Variants in NALCN observed in about 807,000 individuals in gnomAD.
The protein encoded by NALCN is sodium leak channel NALCN.
In NALCN, 111 loss-of-function variants were observed where a neutral mutation model predicts 225.3. The ratio of observed to expected loss-of-function variants is 0.49; its 90% confidence interval spans 0.42 to 0.58. The LOEUF is 0.58. Among genes scored for constraint, NALCN ranks in the 20% least tolerant of loss-of-function variants. The pLI, the probability that NALCN is intolerant of heterozygous loss-of-function variation, is 0.00. For missense variants in NALCN, 1,378 were observed against 2,202.4 expected (o/e 0.63, Z 7.49); for synonymous variants, 764 against 769.0 (o/e 0.99, Z 0.11).
chr13:101,058,442 AGCC>A lies in NALCN; in HGVS notation c.4906-389_4906-387del. ...TGGGCGGGGGCAGTCTACTGTCACC[AGCC>A]TGGAGATCCACACTTAGAGCTTCAG... On this transcript the variant is annotated intron_variant, in intron 42 of 43. Transcript: ENST00000251127. 4 of 180,970 alleles carry A rather than the reference AGCC, an allele frequency of 2.2e-5. No individual in the cohort carries two copies. The South Asian group carries it at 3.6e-4, about 16-fold the overall frequency. The allele number at this position is 180,970 out of a possible 1,614,324, so 11.2% of individuals were successfully genotyped here.
rs1034597446 is a variant in NALCN, at chr13:101,352,659, G to T, written c.645-7239C>A. Reference sequence around the variant, plus strand: ...ACCCTAAATGGATACTGTGACTGATGCAGCATGAGCTGATTATAAACTGTT... The same window carrying T: ...ACCCTAAATGGATACTGTGACTGATTCAGCATGAGCTGATTATAAACTGTT... On this transcript the variant is annotated intron_variant, in intron 6 of 43. Transcript: ENST00000251127. Among the ~76,000 whole-genome samples, 5 of 152,150 alleles carry T rather than the reference G, an allele frequency of 3.3e-5. No homozygotes were observed. In the East Asian group the frequency reaches 9.6e-4, roughly 29 times the overall value.
intron 13 of NALCN, among the ~76,000 whole-genome samples, chr13:101,219,377 G>A (rs1004970082): frequency 2.0e-5 from 3 of 152,110 alleles, no homozygotes; most frequent in Non-Finnish European, 2.9e-5. Flanking sequence ...AAAGGAATCC[G>A]GCATGCTGAG....
At chr13:101,058,178 G>T in intron 42 of NALCN, 122 bp from the exon 43 acceptor site, 1 of 776,130 alleles carries the variant, frequency 1.3e-6, no homozygotes, top group Non-Finnish European at 2.1e-6. Context: ...GACTCAGAGT[G>T]TCCACAATGG....
At chr13:101,169,016 C>A (rs568924592) in intron 15 of NALCN, among the ~76,000 whole-genome samples, 1 of 152,330 alleles carries the variant, frequency 6.6e-6, no homozygotes, top group East Asian at 1.9e-4. Flanking sequence ...GAGAAAACGT[C>A]CCTGATTTCA....
At chr13:101,121,667 G>A (rs746781888) in intron 18 of NALCN, among the ~76,000 whole-genome samples, 3 of 152,168 alleles carry the variant, frequency 2.0e-5, no homozygotes, top group Admixed American at 1.3e-4. Context: ...TTTATATCAA[G>A]ATAGACCCAT....
At chr13:101,176,417 A>C (rs2038960596) in intron 14 of NALCN, 43 bp from the exon 15 acceptor site, 1 of 1,440,148 alleles carries the variant, frequency 6.9e-7, no homozygotes, top group African/African-American at 1.4e-5. Flanking sequence ...CACATGCCAT[A>C]AGTATCAAAA....
At chr13:101,248,251 A>G (rs1256836750) in intron 11 of NALCN, among the ~76,000 whole-genome samples, 1 of 152,216 alleles carries the variant, frequency 6.6e-6, no homozygotes, top group African/African-American at 2.4e-5. Context: ...TAAAGGTGAG[A>G]GGAGAAATTT....
At chr13:101,150,721 T>G (rs758323205) in intron 15 of NALCN, among the ~76,000 whole-genome samples, 2 of 152,116 alleles carry the variant, frequency 1.3e-5, no homozygotes, top group Non-Finnish European at 2.9e-5. Context: ...TTTACTTTGA[T>G]GCAAATGAAT....
chr13:101,234,588 C>T (rs914660348), intron 12 of NALCN, among the ~76,000 whole-genome samples: 3 of 152,136 alleles, frequency 2.0e-5, no homozygotes, highest in African/African-American at 7.2e-5. Context: ...TTGCAAAAAC[C>T]CTTGTGACAC....
Position 101,254,614 on chromosome 13 carries a change from G to A in NALCN, c.1266+3829C>T, listed in dbSNP as rs1233680880. The stretch of plus-strand genomic sequence containing the variant: ...TGTTAAGAATGAATGACATGTGGCC[G>A]GGCGCGGTGGCTCACGCCTGTAATC... On this transcript the variant is annotated intron_variant, in intron 11 of 43. Coordinates refer to ENST00000251127, the MANE Select transcript of NALCN (RefSeq NM_052867.4). 4.1e-5 allele frequency among the ~76,000 whole-genome samples: 3 copies of A among 72,612 alleles called. 1 individual carries two copies. Among genetic ancestry groups the A allele is most frequent in the Non-Finnish European group, 7.7e-5 (2 of 25,876 alleles). 47.6% of individuals were successfully genotyped at this position (72,612 alleles called of 152,430 possible).
chr13:101,198,194 G>A (rs974570679), intron 13 of NALCN, among the ~76,000 whole-genome samples: 1 of 152,126 alleles, frequency 6.6e-6, no homozygotes, highest in African/African-American at 2.4e-5. Context: ...AACCCTAGAA[G>A]AAAACCTAGG....
At chr13:101,158,764 A>ATTC (rs746803205) in intron 15 of NALCN, among the ~76,000 whole-genome samples, 209 of 151,994 alleles carry the variant, frequency 1.4e-3, no homozygotes, top group Non-Finnish European at 2.4e-3. Context: ...GGTACTCCTC[A>ATTC]CTCCTACAAG....
At chr13:101,304,339 G>A (rs1221683750) in intron 7 of NALCN, among the ~76,000 whole-genome samples, 2 of 152,008 alleles carry the variant, frequency 1.3e-5, no homozygotes, top group Non-Finnish European at 2.9e-5. Flanking sequence ...TATGCATGTG[G>A]CATGATGGTT....
At chr13:101,119,146 A>G (rs2035853262) in intron 18 of NALCN, among the ~76,000 whole-genome samples, 1 of 152,222 alleles carries the variant, frequency 6.6e-6, no homozygotes, top group Non-Finnish European at 1.5e-5. Context: ...CTTTCAGGAA[A>G]AAAAATCCAG....
chr13:101,359,977 C>T (rs1424230496), intron 6 of NALCN, among the ~76,000 whole-genome samples: 1 of 152,046 alleles, frequency 6.6e-6, no homozygotes, highest in Non-Finnish European at 1.5e-5. Context: ...ATATACAGAA[C>T]TCATTCTGTA....
intron 14 of NALCN, among the ~76,000 whole-genome samples, chr13:101,188,837 C>T (rs1317205851): frequency 1.3e-5 from 2 of 151,920 alleles, no homozygotes; most frequent in Non-Finnish European, 2.9e-5. Flanking sequence ...CAGGTGCTCA[C>T]CACCATGCCT....
At chr13:101,335,381 A>G (rs917586625) in intron 7 of NALCN, among the ~76,000 whole-genome samples, 1 of 152,060 alleles carries the variant, frequency 6.6e-6, no homozygotes, top group Non-Finnish European at 1.5e-5. Context: ...AAAATCCTCA[A>G]GCACACATTT....
intron 1 of NALCN, among the ~76,000 whole-genome samples, chr13:101,411,667 T>C (rs2047791489): frequency 6.6e-6 from 1 of 152,194 alleles, no homozygotes; most frequent in Non-Finnish European, 1.5e-5. Flanking sequence ...CTTTTGACTG[T>C]GCATACTATA....
rs1461743024 is a variant in NALCN, at chr13:101,110,653, C to A, written c.2330G>T (p.Ser777Ile). Residue 777 changes from serine (S) to isoleucine (I), a missense_variant, in exon 20 of 44, where the codon AGC becomes ATC. Around this residue, in one of 19 missense-constraint regions of NALCN, gnomAD observed 66 missense variants for 85.7 expected, o/e 0.77. Transcript: ENST00000251127. ...CAAAGTTTCAAGAGATTTTCCCCTG[C>A]TGATCCTCTGGCTGTTTGATCCATG... The part of the protein sequence containing the change: ...LRHGSNSQRI[S>I]RGKSLETLTQ... 1.9e-6 allele frequency: 3 copies of A among 1,614,078 alleles called. No homozygotes were observed. The highest frequency in any genetic ancestry group is 4.5e-5 in the East Asian group (2 of 44,858).
Sources: gnomAD v4.1 joint callset for allele counts (sites outside exome capture counted in the v4.1 genomes callset) on GRCh38, gnomAD v4.1.1 for gene constraint, gnomAD v4.1.1 regional missense constraint, MANE v1.5 for transcripts, NCBI Gene and HGNC (gene_info 2026-07-23, HGNC 2026-07-21) for gene names.